DMD: variants seen among roughly 807,000 people sequenced by gnomAD.
DMD encodes dystrophin.
A neutral mutation model predicts 330.1 loss-of-function variants in DMD; 63 were observed. That is an observed-to-expected ratio of 0.19 (90% CI 0.16 to 0.24). The LOEUF is 0.24. Among genes scored for constraint, DMD ranks in the 10% least tolerant of loss-of-function variants. The pLI, the probability that DMD is intolerant of heterozygous loss-of-function variation, is 1.00. For synonymous variants in DMD, 1,223 were observed against 959.8 expected (o/e 1.27, Z -5.07); for missense variants, 3,344 against 2,684.1 (o/e 1.25, Z -5.43).
chrX:32,875,086 T>A (rs1007038720), intron 2 of DMD, among the ~76,000 whole-genome samples: 1 of 112,139 alleles, frequency 8.9e-6, no homozygotes, highest in African/African-American at 3.2e-5. Context: ...GCCACTGTAC[T>A]TGGGGTGTTT....
intron 7 of DMD, among the ~76,000 whole-genome samples, chrX:32,720,531 C>T (rs969515321): frequency 1.1e-4 from 12 of 111,517 alleles, no homozygotes; most frequent in Non-Finnish European, 1.9e-4. Flanking sequence ...TAAATAGGTC[C>T]TAAATTTATT....
At chrX:33,282,067 C>T (rs370046532) in intron 1 of DMD, among the ~76,000 whole-genome samples, 5 of 110,554 alleles carry the variant, frequency 4.5e-5, no homozygotes, top group African/African-American at 1.6e-4. Context: ...CAACGGGCTT[C>T]CCAGGCTAGT....
intron 53 of DMD, among the ~76,000 whole-genome samples, chrX:31,669,472 C>T (rs1334601245): frequency 9.0e-6 from 1 of 111,585 alleles, no homozygotes; most frequent in Non-Finnish European, 1.9e-5. Context: ...TTTTATGATA[C>T]ATTTAAGCTA....
chrX:32,283,203 G>A (rs1467731766), intron 43 of DMD, among the ~76,000 whole-genome samples: 1 of 111,620 alleles, frequency 9.0e-6, no homozygotes, highest in Non-Finnish European at 1.9e-5. Flanking sequence ...ACATCTTGAA[G>A]CAGAGCTTCC....
intron 41 of DMD, among the ~76,000 whole-genome samples, chrX:32,336,830 T>G (rs1422486983): frequency 9.0e-6 from 1 of 111,587 alleles, no homozygotes; most frequent in East Asian, 2.8e-4. Context: ...GAAATGAAAT[T>G]GGTTGTGTTT....
chrX:32,185,887 T>C (rs1338133359), intron 44 of DMD, among the ~76,000 whole-genome samples: 1 of 110,910 alleles, frequency 9.0e-6, no homozygotes, highest in Non-Finnish European at 1.9e-5. Flanking sequence ...GCAGAATGTA[T>C]CCCTTCATTT....
At chrX:32,844,728 A>G in intron 4 of DMD, 55 bp downstream of exon 4, 1 of 1,063,117 alleles carries the variant, frequency 9.4e-7, no homozygotes. Flanking sequence ...GCCCTCACTC[A>G]AACATGAAGC....
chrX:31,462,838 A>T (rs963380210), intron 59 of DMD, among the ~76,000 whole-genome samples: 1 of 111,451 alleles, frequency 9.0e-6, no homozygotes, highest in Non-Finnish European at 1.9e-5. Flanking sequence ...TGCAAAAGAT[A>T]AATTTGAAAT....
chrX:31,208,536 G>A (rs1043203920), intron 65 of DMD, among the ~76,000 whole-genome samples: 2 of 111,876 alleles, frequency 1.8e-5, no homozygotes, highest in African/African-American at 6.5e-5. Flanking sequence ...ACATGTTCAA[G>A]GACTTGGTAG....
At chrX:31,801,605 T>C (rs2092071374) in intron 50 of DMD, among the ~76,000 whole-genome samples, 1 of 85,895 alleles carries the variant, frequency 1.2e-5, no homozygotes, top group Non-Finnish European at 2.2e-5. Context: ...ACACACACAA[T>C]AGTAACTATT....
At chrX:32,786,261 CTTTT>C (rs201952618) in intron 7 of DMD, among the ~76,000 whole-genome samples, 2 of 106,735 alleles carry the variant, frequency 1.9e-5, no homozygotes, top group South Asian at 4.0e-4. Flanking sequence ...CAGATAATAG[CTTTT>C]TTTTTTAATC....
intron 41 of DMD, among the ~76,000 whole-genome samples, chrX:32,336,457 G>A (rs2097716079): frequency 4.5e-5 from 5 of 111,957 alleles, no homozygotes; most frequent in Admixed American, 3.8e-4. Flanking sequence ...TTACTCTGCT[G>A]TAGGACAAGC....
At chrX:32,673,639 G>C (rs918170540) in intron 9 of DMD, among the ~76,000 whole-genome samples, 1 of 111,635 alleles carries the variant, frequency 9.0e-6, no homozygotes, top group Non-Finnish European at 1.9e-5. Flanking sequence ...ATCAACTATA[G>C]TGCTTCCCTA....
intron 42 of DMD, among the ~76,000 whole-genome samples, chrX:32,305,078 G>T (rs189427121): frequency 1.8e-5 from 2 of 111,088 alleles, no homozygotes; most frequent in African/African-American, 6.5e-5. Flanking sequence ...ATTACAATAC[G>T]CATATAAACA....
At chrX:32,503,119 G>C (rs962185382) in intron 18 of DMD, among the ~76,000 whole-genome samples, 1 of 112,321 alleles carries the variant, frequency 8.9e-6, no homozygotes, top group African/African-American at 3.2e-5. Context: ...TTAAGAGATA[G>C]GCCTGTAATC....
intron 21 of DMD, among the ~76,000 whole-genome samples, chrX:32,482,259 C>G (rs2041972792): frequency 9.0e-6 from 1 of 111,238 alleles, no homozygotes; most frequent in South Asian, 3.8e-4. Flanking sequence ...TACTGGTTTT[C>G]AGTCTCTAGA....
intron 55 of DMD, among the ~76,000 whole-genome samples, chrX:31,586,554 T>C (rs1229665206): frequency 1.8e-5 from 2 of 112,712 alleles, no homozygotes; most frequent in South Asian, 3.6e-4. Context: ...CATGAAAATG[T>C]TGCCCTTTAA....
intron 13 of DMD, among the ~76,000 whole-genome samples, chrX:32,592,319 T>C (rs1443856950): frequency 9.1e-6 from 1 of 109,827 alleles, no homozygotes; most frequent in Admixed American, 9.7e-5. Flanking sequence ...AGAATGTACC[T>C]CCTCCCTTCC....
Position 31,507,432 on chromosome X carries a change from C to T in DMD, c.8239G>A (p.Ala2747Thr), listed in dbSNP as rs772732788. 4.1e-6 allele frequency: 5 copies of T among 1,207,472 alleles called. No homozygotes were observed. The Admixed American group carries it at 8.8e-5, about 21-fold the overall frequency. ...AGGTTGTGATAAACATCTGTGTGAGCTTCAATTTCACCTTGGAGGTCCTAC... is the reference window on the plus strand; with the variant it reads ...AGGTTGTGATAAACATCTGTGTGAGTTTCAATTTCACCTTGGAGGTCCTAC... ...QWQDLQGEIE[A>T]HTDVYHNLDE... The change falls in exon 56 of 79, where the codon GCT (alanine) becomes ACT (threonine). Residue 2747 changes from alanine (A) to threonine (T), a missense_variant. By Grantham distance (58) the Ala-to-Thr change is moderately conservative. Coordinates refer to ENST00000357033, the MANE Select transcript of DMD (RefSeq NM_004006.3).
Sources: gnomAD v4.1 joint callset for allele counts (sites outside exome capture counted in the v4.1 genomes callset) on GRCh38, gnomAD v4.1.1 for gene constraint, MANE v1.5 for transcripts, NCBI Gene and HGNC (gene_info 2026-07-23, HGNC 2026-07-21) for gene names.